The following DHTKD1 variants were observed in gnomAD, a reference collection of about 807,000 sequenced individuals.
DHTKD1 encodes 2-oxoadipate dehydrogenase complex component E1.
A neutral mutation model predicts 101.8 loss-of-function variants in DHTKD1; 78 were observed. The observed-to-expected ratio is 0.77, with a 90% confidence interval of 0.64 to 0.93. The LOEUF is 0.93. Ranked by LOEUF, DHTKD1 falls within the 40% of genes least tolerant of loss-of-function variation. The pLI is 0.00. For synonymous variants in DHTKD1, 462 were observed against 450.3 expected, an observed-to-expected ratio of 1.03 and a Z score of -0.33; for missense variants, 1,223 against 1,161.7, an observed-to-expected ratio of 1.05 and a Z score of -0.77.
chr10:12,097,853 C>T lies in DHTKD1; in HGVS notation c.1528C>T (p.Gln510Ter), dbSNP rs745445877. Residue 510 changes from glutamine to a stop codon, truncating the protein, a stop_gained, in exon 8 of 17, where the codon CAG (glutamine) becomes TAG (stop). Coordinates refer to ENST00000263035, the MANE Select transcript of DHTKD1 (RefSeq NM_018706.7). LOFTEE classifies it high-confidence loss of function. ...PPALNLQAHW[Q>*]GLAQPEAQIT... ...TGCCCTGAACCTGCAGGCCCACTGG[C>T]AGGGCCTGGCTCAGCCAGAAGCGCA... 1.4e-5 allele frequency: 23 copies of T among 1,614,122 alleles called. No individual in the cohort carries two copies. The highest frequency in any genetic ancestry group is 1.2e-5 in the Non-Finnish European group (14 of 1,180,056).
intron 13 of DHTKD1, among the ~76,000 whole-genome samples, chr10:12,115,344 G>T (rs950391506): frequency 6.6e-6 from 1 of 152,168 alleles, no homozygotes. Context: ...TGATTGGGCT[G>T]ACTCGGCCTC....
At chr10:12,116,974 C>T (rs935792737) in intron 13 of DHTKD1, among the ~76,000 whole-genome samples, 42 of 150,710 alleles carry the variant, frequency 2.8e-4, no homozygotes, top group Non-Finnish European at 5.2e-4. Context: ...GTTCTAGGAT[C>T]ACAGGCTGGA....
intron 13 of DHTKD1, among the ~76,000 whole-genome samples, chr10:12,115,972 C>A (rs1047482893): frequency 1.3e-5 from 2 of 151,310 alleles, no homozygotes; most frequent in African/African-American, 2.4e-5. Context: ...GCTCTGTCAC[C>A]CAGGCTGGAG....
At chr10:12,119,669 C>G (rs1362237426) in intron 15 of DHTKD1, among the ~76,000 whole-genome samples, 2 of 150,934 alleles carry the variant, frequency 1.3e-5, no homozygotes, top group South Asian at 4.2e-4. Context: ...GGGGCCTGTC[C>G]GAGGGTCATG....
At position 12,101,086 on chromosome 10, in the gene DHTKD1, TTCAG is replaced by T. The variant is rs761024388; in HGVS notation, c.1806_1809del (p.Ser602ArgfsTer18). 6.8e-6 allele frequency: 11 copies of T among 1,614,134 alleles called. No individual in the cohort carries two copies. In the South Asian group the frequency reaches 1.2e-4, roughly 18 times the overall value. On this transcript the variant is annotated frameshift_variant, in exon 10 of 17. Transcript: ENST00000263035. LOFTEE classifies it high-confidence loss of function. ...TGGCCAAGATGTTGGTCGTGGAACTTTCAGTCAGAGGCATGCAATCGTGGTTTGC... is the reference window on the plus strand; with the variant it reads ...TGGCCAAGATGTTGGTCGTGGAACTTTCAGAGGCATGCAATCGTGGTTTGC...
At position 12,110,577 on chromosome 10, in the gene DHTKD1, A is replaced by G. The variant is rs1481939374; in HGVS notation, c.2155-2323A>G. On this transcript the variant is annotated intron_variant, in intron 12 of 16. Coordinates refer to ENST00000263035, the MANE Select transcript of DHTKD1 (RefSeq NM_018706.7). This position sits in a 1 kb window ranked among gnomAD's most constrained non-coding sequence, Gnocchi z 4.9. ...TAAAATGTGATGTTTTGATACAGCT[A>G]TACATTGTGAACTGATTGAATCAAG... Among the ~76,000 whole-genome samples the G allele has an allele frequency of 6.6e-6, 1 of 152,196 alleles. No individual in the cohort carries two copies. Among genetic ancestry groups the G allele is most frequent in the Non-Finnish European group, 1.5e-5 (1 of 68,036 alleles).
Position 12,107,665 on chromosome 10 carries a change from G to T in DHTKD1, c.2048-244G>T, listed in dbSNP as rs191768791. ...ACACCTGACCTCAAGTGATCTATCC[G>T]CCTCAGCCTCCCAAAGTGCTGGGAT... On this transcript the variant is annotated intron_variant, in intron 11 of 16. Transcript: ENST00000263035. The surrounding 1 kb of genome is among the most constrained non-coding windows in gnomAD (Gnocchi z 4.1). Among the ~76,000 whole-genome samples the T allele has an allele frequency of 6.6e-6, 1 of 150,594 alleles. No individual in the cohort carries two copies. Among genetic ancestry groups the T allele is most frequent in the Non-Finnish European group, 1.5e-5 (1 of 67,560 alleles).
chr10:12,101,653 G>C (rs1833173324), intron 10 of DHTKD1, among the ~76,000 whole-genome samples: 1 of 152,074 alleles, frequency 6.6e-6, no homozygotes, highest in Non-Finnish European at 1.5e-5. Flanking sequence ...GCCCAGGCTG[G>C]AGTGCAGTGG....
chr10:12,089,143 C>T lies in DHTKD1; in HGVS notation c.875C>T (p.Ala292Val). ...TMLPNPSHLE[A>V]VNPVAVGKTR... ...TTGCCCAATCCCTCGCACCTGGAGG[C>T]CGTCAACCCCGTGGCCGTGGGCAAA... The change falls in exon 5 of 17, where the codon GCC (alanine) becomes GTC (valine). Residue 292 changes from alanine to valine, a missense_variant. By Grantham distance (64) the Ala-to-Val change is moderately conservative. Coordinates refer to ENST00000263035, the MANE Select transcript of DHTKD1 (RefSeq NM_018706.7). 1 of 1,614,182 alleles carries T rather than the reference C, an allele frequency of 6.2e-7. No individual in the cohort carries two copies. Among genetic ancestry groups the T allele is most frequent in the South Asian group, 1.1e-5 (1 of 91,088 alleles).
At position 12,089,233 on chromosome 10, in the gene DHTKD1, G is replaced by A. The variant is rs200814440; in HGVS notation, c.965G>A (p.Gly322Glu). ...DYSPDNSAQPGDRVICLQVHG... is the reference protein window; with the variant it reads ...DYSPDNSAQPEDRVICLQVHG... ...TCTCCAGACAACTCAGCCCAGCCGG[G>A]GGACAGGGTCATTTGCTTACAGGTA... is the stretch of plus-strand genomic sequence containing the variant. Residue 322 changes from glycine (G) to glutamate (E), a missense_variant, in exon 5 of 17, where the codon GGG (glycine) becomes GAG (glutamate). By Grantham distance (98) the Gly-to-Glu change is moderately conservative. Transcript: ENST00000263035. 6.2e-6 allele frequency: 10 copies of A among 1,614,072 alleles called. No homozygotes were observed. The highest frequency in any genetic ancestry group is 1.1e-5 in the South Asian group (1 of 91,080).
chr10:12,090,683 TGCTGGGTTGGCCAA>T (rs1321597051), intron 5 of DHTKD1, among the ~76,000 whole-genome samples: 1 of 152,048 alleles, frequency 6.6e-6, no homozygotes, highest in East Asian at 1.9e-4. Flanking sequence ...GACATGATCT[TGCTGGGTTGGCCAA>T]GCTGGTTTCA....
chr10:12,084,853 C>G (rs938536129), intron 3 of DHTKD1, 102 bp downstream of exon 3: 38 of 926,374 alleles, frequency 4.1e-5, no homozygotes, highest in Non-Finnish European at 6.0e-5. Context: ...GAGTTCAAGA[C>G]CAGCCTGACC....
chr10:12,078,452 C>A (rs985076783), intron 1 of DHTKD1, among the ~76,000 whole-genome samples: 1 of 151,134 alleles, frequency 6.6e-6, no homozygotes, highest in Non-Finnish European at 1.5e-5. Flanking sequence ...CCAACAAAAA[C>A]CCCACAAAAA....
At chr10:12,079,669 G>GA (rs1398460999) in intron 1 of DHTKD1, among the ~76,000 whole-genome samples, 1 of 151,236 alleles carries the variant, frequency 6.6e-6, no homozygotes, top group African/African-American at 2.4e-5. Context: ...TCCATCTCAA[G>GA]AAAAAAAATA....
chr10:12,098,539 T>C (rs1165707850), intron 8 of DHTKD1, among the ~76,000 whole-genome samples: 1 of 152,174 alleles, frequency 6.6e-6, no homozygotes, highest in Admixed American at 6.6e-5. Flanking sequence ...TAAGCTTGGA[T>C]GAAGGAACTT....
intron 6 of DHTKD1, among the ~76,000 whole-genome samples, chr10:12,092,697 G>A (rs560504967): frequency 7.9e-5 from 12 of 151,814 alleles, no homozygotes; most frequent in Non-Finnish European, 1.3e-4. Flanking sequence ...CAGCTACTCG[G>A]GAGGCTGAGA....
At chr10:12,115,146 T>C (rs1259054880) in intron 13 of DHTKD1, among the ~76,000 whole-genome samples, 4 of 150,538 alleles carry the variant, frequency 2.7e-5, no homozygotes, top group Admixed American at 2.0e-4. Context: ...CAGGCTGGAG[T>C]GGAGAGCGCG....
At position 12,103,294 on chromosome 10, in the gene DHTKD1, A is replaced by G. The variant is rs906585980; in HGVS notation, c.1896+2113A>G. On this transcript the variant is annotated intron_variant, in intron 10 of 16. Transcript: ENST00000263035. The surrounding 1 kb of genome is among the most constrained non-coding windows in gnomAD (Gnocchi z 4.8). ...AGACCCTGGGAGAAACTCCTGCTTG[A>G]TCTTGGTAGTGAGAGTAGCTATATT... 1.3e-5 allele frequency among the ~76,000 whole-genome samples: 2 copies of G among 152,044 alleles called. No individual in the cohort carries two copies. The highest frequency in any genetic ancestry group is 4.8e-5 in the African/African-American group (2 of 41,416).
chr10:12,094,100 A>G lies in DHTKD1; in HGVS notation c.1187A>G (p.His396Arg), dbSNP rs1245303068. The G allele has an allele frequency of 1.9e-6, 3 of 1,613,942 alleles. No individual in the cohort carries two copies. The highest frequency in any genetic ancestry group is 1.3e-5 in the African/African-American group (1 of 74,890). The change falls in exon 7 of 17, where the codon CAT becomes CGT. Residue 396 changes from histidine to arginine, a missense_variant. His to Arg is a conservative substitution (Grantham distance 29, BLOSUM62 0). Coordinates refer to ENST00000263035, the MANE Select transcript of DHTKD1 (RefSeq NM_018706.7). Reference protein sequence around the residue: ...IGKLVGCAIIHVNGDSPEEVV... With the variant: ...IGKLVGCAIIRVNGDSPEEVV... ...AAGCTTGTGGGCTGTGCCATCATCC[A>G]TGTCAATGGAGACAGCCCAGAGGAA...
Sources: gnomAD v4.1 joint callset for allele counts (sites outside exome capture counted in the v4.1 genomes callset) on GRCh38, gnomAD v4.1.1 for gene constraint, Gnocchi (gnomAD v3.1) non-coding constraint, MANE v1.5 for transcripts, NCBI Gene and HGNC (gene_info 2026-07-23, HGNC 2026-07-21) for gene names.